GON4L: variants seen among roughly 807,000 people sequenced by gnomAD.
GON4L encodes the protein GON-4-like protein.
In GON4L, 87 loss-of-function variants were observed where a neutral mutation model predicts 211.8. The observed-to-expected ratio is 0.41, with a 90% CI of 0.35 to 0.49. The LOEUF (loss-of-function observed/expected upper bound fraction) is 0.49. GON4L is among the 20% of genes least tolerant of loss of function. The pLI, the probability that GON4L is intolerant of heterozygous loss-of-function variation, is 0.15. For synonymous variants in GON4L, 875 were observed against 962.6 expected, an observed-to-expected ratio of 0.91 and a Z score of 1.68; for missense variants, 2,155 against 2,659.5, an observed-to-expected ratio of 0.81 and a Z score of 4.17.
At chr1:155,761,581 C>T (rs879524815) in intron 23 of GON4L, among the ~76,000 whole-genome samples, 31 of 151,268 alleles carry the variant, frequency 2.0e-4, no homozygotes, top group Admixed American at 1.3e-3. Context: ...CTGCAAACTC[C>T]GTCTCCCAGG....
In GON4L at chr1:155,791,863, C is replaced by T. The variant is rs546192364; in HGVS notation, c.1747+3187G>A. Among the ~76,000 whole-genome samples the T allele has an allele frequency of 1.8e-3, 257 of 141,560 alleles. 2 individuals are homozygous for T. The highest frequency in any genetic ancestry group is 3.0e-3 in the Non-Finnish European group (194 of 64,796). 92.9% of individuals were successfully genotyped at this position (141,560 alleles called of 152,430 possible). A position where few individuals can be genotyped will look rare whatever the true frequency, so the allele number is the denominator to read the frequency against. ...AGCCTGGGCGACAACAGCGAAACTC[C>T]ATCTCAAAAATAACATAACATAACA... On this transcript the variant is annotated intron_variant, in intron 12 of 31. Transcript: ENST00000368331.
At chr1:155,767,051 A>AAAC in intron 20 of GON4L, 1 of 570,722 alleles carries the variant, frequency 1.8e-6, no homozygotes. Flanking sequence ...AAACAAAACA[A>AAAC]AACAACAACA....
intron 2 of GON4L, among the ~76,000 whole-genome samples, chr1:155,847,907 C>T (rs1254249665): frequency 6.6e-6 from 1 of 151,054 alleles, no homozygotes; most frequent in East Asian, 2.0e-4. Context: ...TATATACATA[C>T]ATACATACAA....
chr1:155,827,682 T>TCA (rs368852210), intron 2 of GON4L, among the ~76,000 whole-genome samples: 1,369 of 83,980 alleles, frequency 0.016, 17 homozygotes, highest in African/African-American at 0.033. Flanking sequence ...CAAGACCCCG[T>TCA]CACACACACA....
chr1:155,799,433 T>TCAAAA (rs1264521178), intron 11 of GON4L, among the ~76,000 whole-genome samples: 1 of 152,122 alleles, frequency 6.6e-6, no homozygotes, highest in Non-Finnish European at 1.5e-5. Context: ...AGACCCTGTC[T>TCAAAA]CAAAACAAAA....
chr1:155,807,147 A>T (rs1247141958), intron 10 of GON4L, among the ~76,000 whole-genome samples: 1 of 151,958 alleles, frequency 6.6e-6, no homozygotes, highest in Non-Finnish European at 1.5e-5. Flanking sequence ...ACATCTGTAA[A>T]CCCAGCACCT....
At chr1:155,803,331 G>T (rs779438926) in intron 11 of GON4L, among the ~76,000 whole-genome samples, 1 of 149,500 alleles carries the variant, frequency 6.7e-6, no homozygotes, top group Non-Finnish European at 1.5e-5. Flanking sequence ...TACAACCTTC[G>T]CCTGCCAGGT....
intron 14 of GON4L, among the ~76,000 whole-genome samples, chr1:155,780,447 G>C (rs1003173643): frequency 9.9e-5 from 15 of 151,964 alleles, no homozygotes; most frequent in Non-Finnish European, 1.6e-4. Flanking sequence ...ACGAAAATTA[G>C]CTGGCCGTGG....
intron 11 of GON4L, among the ~76,000 whole-genome samples, chr1:155,803,826 C>T (rs1021127990): frequency 6.6e-6 from 1 of 152,034 alleles, no homozygotes; most frequent in Admixed American, 6.6e-5. Flanking sequence ...AAAGTAATCA[C>T]GGAGTGTTTA....
chr1:155,840,364 T>C (rs1349339849), intron 2 of GON4L, among the ~76,000 whole-genome samples: 2 of 152,248 alleles, frequency 1.3e-5, no homozygotes, highest in African/African-American at 2.4e-5. Context: ...TTACTTACAG[T>C]AACCTGTGGT....
intron 2 of GON4L, chr1:155,831,429 TAC>T (rs1669754501): frequency 6.6e-6 from 1 of 151,622 alleles, no homozygotes; most frequent in Non-Finnish European, 1.5e-5. Flanking sequence ...TAGCGTGGGC[TAC>T]AGAGTAAGAC....
chr1:155,806,458 A>AT (rs200801610), intron 10 of GON4L, among the ~76,000 whole-genome samples: 3,030 of 151,476 alleles, frequency 0.02, 93 homozygotes, highest in African/African-American at 0.067. Context: ...AATTTTTTTC[A>AT]TTTTTTGTAG....
chr1:155,785,445 C>T, intron 12 of GON4L, 71 bp from the exon 13 acceptor site: 3 of 1,064,580 alleles, frequency 2.8e-6, no homozygotes, highest in Non-Finnish European at 2.9e-6. Flanking sequence ...TCCATGAAGA[C>T]AATGTATAAT....
At chr1:155,822,184 CG>C (rs909686917) in intron 4 of GON4L, 101 bp downstream of exon 4, 14 of 942,902 alleles carry the variant, frequency 1.5e-5, no homozygotes, top group Non-Finnish European at 2.5e-5. Flanking sequence ...CCCACAAAAT[CG>C]GTAATTCACG....
intron 6 of GON4L, among the ~76,000 whole-genome samples, chr1:155,818,074 C>T (rs1668409286): frequency 6.6e-6 from 1 of 151,838 alleles, no homozygotes; most frequent in Admixed American, 6.6e-5. Context: ...CTAATTTGAT[C>T]TCCTTGGATT....
At position 155,818,973 on chromosome 1, in the gene GON4L, A is replaced by C. The variant is rs569815493; in HGVS notation, c.1014+1633T>G. On this transcript the variant is annotated intron_variant, in intron 6 of 31. Transcript: ENST00000368331. ...AGATCGCACCACTGCACTCCAGCCTAGGTGACAGAGTGAGACTCCATCTCA... is the reference window on the plus strand; with the variant it reads ...AGATCGCACCACTGCACTCCAGCCTCGGTGACAGAGTGAGACTCCATCTCA... 2.1e-5 allele frequency among the ~76,000 whole-genome samples: 3 copies of C among 145,014 alleles called. No homozygotes were observed. In the East Asian group the frequency reaches 6.3e-4, roughly 30 times the overall value.
Position 155,813,553 on chromosome 1 carries a change from T to C in GON4L, c.1452+81A>G. On this transcript the variant is annotated intron_variant, in intron 10 of 31. Transcript: ENST00000368331. Reference sequence around the variant, plus strand: ...TTACTTATATAAAATTGTAGTTATCTTTTCCTCTCCCTTCCCAGCCTGAGC... The same window carrying C: ...TTACTTATATAAAATTGTAGTTATCCTTTCCTCTCCCTTCCCAGCCTGAGC... The C allele has an allele frequency of 1.2e-5, 12 of 1,043,432 alleles. No individual in the cohort carries two copies. The South Asian group carries it at 1.4e-4, about 12-fold the overall frequency. The allele number at this position is 1,043,432 out of a possible 1,614,324, so 64.6% of individuals were successfully genotyped here.
chr1:155,753,747 G>A (rs565402710), intron 28 of GON4L, among the ~76,000 whole-genome samples: 70 of 152,250 alleles, frequency 4.6e-4, no homozygotes, highest in Non-Finnish European at 8.4e-4. Context: ...CCAGGCTGGA[G>A]TGCAGTGGCT....
chr1:155,858,992 G>T (rs1300213393), upstream of GON4L, among the ~76,000 whole-genome samples: 2 of 152,082 alleles, frequency 1.3e-5, no homozygotes, highest in Admixed American at 6.5e-5. Context: ...ACCGTGCCCG[G>T]CTGTTTTTTT....
Sources: allele counts gnomAD v4.1 joint callset (sites outside exome capture counted in the v4.1 genomes callset), GRCh38; gene constraint gnomAD v4.1.1; transcripts MANE v1.5; gene names NCBI Gene and HGNC (gene_info 2026-07-23, HGNC 2026-07-21).